The following ACVR1C variants were observed in gnomAD, a reference collection of about 807,000 sequenced individuals.
The protein encoded by ACVR1C is activin A receptor type 1C, also known as activin receptor type-1C.
In ACVR1C, 23 loss-of-function variants were observed where a neutral mutation model predicts 57.9. The ratio of observed to expected loss-of-function variants is 0.40; its 90% CI spans 0.29 to 0.56. The LOEUF (loss-of-function observed/expected upper bound fraction) is 0.56. Ranked by LOEUF, ACVR1C falls within the 20% of genes least tolerant of loss-of-function variation. The pLI, the probability that ACVR1C is intolerant of heterozygous loss-of-function variation, is 0.50. For synonymous variants in ACVR1C, 214 were observed against 215.3 expected, an observed-to-expected ratio of 0.99 and a Z score of 0.05; for missense variants, 480 against 607.9, an observed-to-expected ratio of 0.79 and a Z score of 2.21.
intron 1 of ACVR1C, among the ~76,000 whole-genome samples, chr2:157,596,954 G>C (rs1437565629): frequency 6.6e-6 from 1 of 152,142 alleles, no homozygotes; most frequent in Non-Finnish European, 1.5e-5. Context: ...GCTGTGAGCT[G>C]CGTTGGGACA....
intron 6 of ACVR1C, among the ~76,000 whole-genome samples, chr2:157,542,336 G>A (rs1055954269): frequency 2.0e-5 from 3 of 152,134 alleles, no homozygotes; most frequent in Admixed American, 6.6e-5. Flanking sequence ...CTAGTCCTGA[G>A]TTTCAGTTCA....
intron 2 of ACVR1C, among the ~76,000 whole-genome samples, chr2:157,585,349 A>C (rs1320849400): frequency 6.6e-6 from 1 of 152,190 alleles, no homozygotes; most frequent in East Asian, 1.9e-4. Flanking sequence ...ATTATACCTA[A>C]ATTAGACCTT....
intron 8 of ACVR1C, among the ~76,000 whole-genome samples, chr2:157,538,274 G>A (rs1207162839): frequency 6.6e-6 from 1 of 152,204 alleles, no homozygotes; most frequent in Admixed American, 6.5e-5. Flanking sequence ...AGTGATTACT[G>A]AGTTACTGCA....
intron 1 of ACVR1C, among the ~76,000 whole-genome samples, chr2:157,590,691 T>C (rs183378209): frequency 4.6e-5 from 7 of 152,050 alleles, no homozygotes; most frequent in Middle Eastern, 3.4e-3. Flanking sequence ...TCTAACTTGA[T>C]TGGGATTCTA....
intron 7 of ACVR1C, among the ~76,000 whole-genome samples, chr2:157,540,533 T>C (rs1268395288): frequency 2.0e-5 from 3 of 152,104 alleles, no homozygotes; most frequent in Admixed American, 6.5e-5. Flanking sequence ...CCGACCTCAG[T>C]GATCCGCCCG....
chr2:157,556,371 A>C (rs1233221581), intron 2 of ACVR1C, 39 bp from the exon 3 acceptor site: 1 of 1,600,630 alleles, frequency 6.2e-7, no homozygotes. Context: ...CATAAATCAA[A>C]CCATTTTAAG....
chr2:157,558,703 T>C (rs915836716), intron 2 of ACVR1C, among the ~76,000 whole-genome samples: 3 of 152,200 alleles, frequency 2.0e-5, no homozygotes, highest in African/African-American at 7.2e-5. Context: ...TGAGGAGAAA[T>C]TGGTCTAGAG....
At chr2:157,621,095 A>T (rs988127805) in intron 1 of ACVR1C, among the ~76,000 whole-genome samples, 5 of 152,160 alleles carry the variant, frequency 3.3e-5, no homozygotes, top group Admixed American at 6.5e-5. Context: ...AAATTGTTTT[A>T]AAAAAATAAT....
chr2:157,541,136 A>G lies in ACVR1C; in HGVS notation c.1179T>C (p.Ser393=), dbSNP rs1326801997. The G allele has an allele frequency of 5.0e-6, 8 of 1,613,966 alleles. No homozygotes were observed. The highest frequency in any genetic ancestry group is 5.9e-6 in the Non-Finnish European group (7 of 1,179,994). The change falls in exon 7 of 9, where the codon TCT becomes TCC. Residue 393 remains serine, a synonymous_variant. Transcript: ENST00000243349. ...CTATTTCCCAGTAAACCAGACCAAC[A>G]GAATAGATGTCAGCTCGTTTGAAGG... ...FESFKRADIY[S]VGLVYWEIAR... is the part of the protein sequence containing the mutation.
intron 1 of ACVR1C, among the ~76,000 whole-genome samples, chr2:157,622,386 CA>C (rs1682798692): frequency 6.6e-6 from 1 of 152,108 alleles, no homozygotes; most frequent in Non-Finnish European, 1.5e-5. Context: ...CTACAGTAAC[CA>C]AAACAGCATG....
At chr2:157,610,535 A>G (rs973063276) in intron 1 of ACVR1C, among the ~76,000 whole-genome samples, 1 of 152,086 alleles carries the variant, frequency 6.6e-6, no homozygotes. Flanking sequence ...TTTGCATTGT[A>G]TCTGTTTGGG....
In ACVR1C at chr2:157,566,508, C is replaced by T. The variant is rs547111381; in HGVS notation, c.305-10176G>A. 8.5e-5 allele frequency among the ~76,000 whole-genome samples: 13 copies of T among 152,300 alleles called. No homozygotes were observed. In the South Asian group the frequency reaches 1.4e-3, roughly 17 times the overall value. On this transcript the variant is annotated intron_variant, in intron 2 of 8. Transcript: ENST00000243349. ...GGCGCAGGCCAGTGTGTGTGCCCAC[C>T]GTGCGCGAGCCGAAGCAGGGCGAGG...
intron 1 of ACVR1C, among the ~76,000 whole-genome samples, chr2:157,621,893 T>C (rs1373087079): frequency 6.6e-6 from 1 of 152,194 alleles, no homozygotes; most frequent in Non-Finnish European, 1.5e-5. Flanking sequence ...ATTTAGTTGT[T>C]GAAAAGAAGA....
intron 3 of ACVR1C, among the ~76,000 whole-genome samples, chr2:157,554,213 A>AAGAAAGAAAGAAAGAAAGAAAGAG (rs1558974847): frequency 8.2e-5 from 8 of 97,728 alleles, no homozygotes; most frequent in Non-Finnish European, 1.0e-4. Flanking sequence ...GAAAGAAAGA[A>AAGAAAGAAAGAAAGAAAGAAAGAG]AGAAAGAAAG....
intron 4 of ACVR1C, among the ~76,000 whole-genome samples, chr2:157,546,594 G>A (rs1338693955): frequency 1.3e-5 from 2 of 151,874 alleles, no homozygotes; most frequent in African/African-American, 4.8e-5. Flanking sequence ...CTACCATAAA[G>A]TTCTTCATGA....
chr2:157,545,553 C>T (rs1450545699), intron 4 of ACVR1C, among the ~76,000 whole-genome samples: 1 of 152,182 alleles, frequency 6.6e-6, no homozygotes, highest in Non-Finnish European at 1.5e-5. Context: ...ATCTTGCCCT[C>T]TCACATCAAT....
intron 1 of ACVR1C, among the ~76,000 whole-genome samples, chr2:157,617,802 T>C (rs1365151033): frequency 6.6e-6 from 1 of 151,956 alleles, no homozygotes; most frequent in Non-Finnish European, 1.5e-5. Flanking sequence ...AAGGCAAAAT[T>C]ATATAATAAA....
At chr2:157,606,899 T>C (rs989548987) in intron 1 of ACVR1C, among the ~76,000 whole-genome samples, 6 of 151,968 alleles carry the variant, frequency 3.9e-5, no homozygotes, top group African/African-American at 1.4e-4. Context: ...ACCAATGTCA[T>C]GAAGTGTTTC....
rs116676804 is a variant in ACVR1C, at chr2:157,574,687, G to A, written c.304+12500C>T. Among the ~76,000 whole-genome samples the A allele has an allele frequency of 1.6e-3, 246 of 152,202 alleles. 1 individual carries two copies. Among genetic ancestry groups the A allele is most frequent in the African/African-American group, 5.7e-3 (237 of 41,540 alleles). Reference sequence around the variant, plus strand: ...GGATGACTTGCTTTGCTGCTTTTACGTTAATTAGAATTGGGTTTAACTACA... The same window carrying A: ...GGATGACTTGCTTTGCTGCTTTTACATTAATTAGAATTGGGTTTAACTACA... On this transcript the variant is annotated intron_variant, in intron 2 of 8. Coordinates refer to ENST00000243349, the MANE Select transcript of ACVR1C (RefSeq NM_145259.3).
Sources: allele counts gnomAD v4.1 joint callset (sites outside exome capture counted in the v4.1 genomes callset), GRCh38; gene constraint gnomAD v4.1.1; transcripts MANE v1.5; gene names NCBI Gene and HGNC (gene_info 2026-07-23, HGNC 2026-07-21).